ECE1: variants seen among roughly 807,000 people sequenced by gnomAD.
ECE1 encodes the protein endothelin-converting enzyme 1.
In ECE1, 35 loss-of-function variants were observed where a neutral mutation model predicts 98.6. The ratio of observed to expected loss-of-function variants is 0.35; its 90% CI spans 0.27 to 0.47. The LOEUF is 0.47. ECE1 is among the 20% of genes least tolerant of loss of function. ECE1 has a pLI of 1.00. For missense variants in ECE1, 814 were observed against 1,025.3 expected (o/e 0.79, Z 2.81); for synonymous variants, 394 against 407.1 (o/e 0.97, Z 0.39).
At chr1:21,291,612 G>A (rs2098266696), upstream of ECE1, among the ~76,000 whole-genome samples, 1 of 152,142 alleles carries the variant, frequency 6.6e-6, no homozygotes, top group Non-Finnish European at 1.5e-5. Flanking sequence ...GATCACTTGA[G>A]GTCAGGAGTT....
chr1:21,291,642 A>G (rs989198310), upstream of ECE1, among the ~76,000 whole-genome samples: 5 of 152,200 alleles, frequency 3.3e-5, no homozygotes, highest in Non-Finnish European at 7.3e-5. Flanking sequence ...CCTGGCCAAC[A>G]TGATGAAACC....
intron 4 of ECE1, among the ~76,000 whole-genome samples, chr1:21,262,591 C>T (rs957253631): frequency 6.6e-6 from 1 of 152,224 alleles, no homozygotes; most frequent in African/African-American, 2.4e-5. Flanking sequence ...CATGAGTGAG[C>T]CTGGCATCTC....
At chr1:21,275,813 C>T (rs2098245840) in intron 3 of ECE1, among the ~76,000 whole-genome samples, 2 of 152,076 alleles carry the variant, frequency 1.3e-5, no homozygotes, top group African/African-American at 4.8e-5. Context: ...ATCTAAGGCC[C>T]CCTCTTCCTA....
chr1:21,301,051 T>C (rs1638472110), intron 1 of ECE1, among the ~76,000 whole-genome samples: 1 of 138,118 alleles, frequency 7.2e-6, no homozygotes, highest in South Asian at 2.1e-4. Context: ...TGACCCAGTG[T>C]AGACAAAGCT....
Position 21,219,644 on chromosome 1 carries a change from CAG to C in ECE1, c.*309_*310del. ...AAATATATCTTGAAAGCATTTGACA[CAG>C]TGGTATTTGTGGCGTATCTGGCGCT... On this transcript the variant is annotated 3_prime_UTR_variant, in exon 19 of 19. Coordinates refer to ENST00000374893, the MANE Select transcript of ECE1 (RefSeq NM_001397.3). The surrounding 1 kb of genome is among the most constrained non-coding windows in gnomAD (Gnocchi z 4.5). 4.6e-6 allele frequency: 2 copies of C among 437,828 alleles called. No homozygotes were observed. The highest frequency in any genetic ancestry group is 6.8e-5 in the Admixed American group (2 of 29,244). 27.1% of individuals were successfully genotyped at this position (437,828 alleles called of 1,614,324 possible). A position where few individuals can be genotyped will look rare whatever the true frequency, so the allele number is the denominator to read the frequency against.
intron 4 of ECE1, among the ~76,000 whole-genome samples, chr1:21,261,239 C>T (rs1293713363): frequency 2.0e-5 from 3 of 152,220 alleles, no homozygotes; most frequent in African/African-American, 4.8e-5. Context: ...CTCTGGGAAA[C>T]TCACTGCTCC....
intron 10 of ECE1, among the ~76,000 whole-genome samples, chr1:21,242,094 A>G (rs1441243842): frequency 2.6e-5 from 4 of 152,212 alleles, no homozygotes; most frequent in Non-Finnish European, 5.9e-5. Flanking sequence ...GCAGCGCTTG[A>G]GCAGTCAGAA....
At chr1:21,255,458 G>C (rs2103282037) in intron 8 of ECE1, among the ~76,000 whole-genome samples, 1 of 152,354 alleles carries the variant, frequency 6.6e-6, no homozygotes, top group East Asian at 1.9e-4. Flanking sequence ...GAGCATCACA[G>C]ATCTAACGCC....
chr1:21,270,082 C>T (rs945161363), intron 4 of ECE1, among the ~76,000 whole-genome samples: 6 of 152,198 alleles, frequency 3.9e-5, no homozygotes, highest in African/African-American at 1.2e-4. Context: ...CCATTCTGGG[C>T]CTCACTGGGA....
intron 10 of ECE1, among the ~76,000 whole-genome samples, chr1:21,239,847 G>A (rs954524631): frequency 6.6e-6 from 1 of 151,152 alleles, no homozygotes; most frequent in African/African-American, 2.4e-5. Context: ...TCTTGACTGT[G>A]GTGATGGTTA....
intron 1 of ECE1, among the ~76,000 whole-genome samples, chr1:21,320,937 A>G (rs1364543906): frequency 6.6e-6 from 1 of 152,214 alleles, no homozygotes. Context: ...CTGAGCCTCT[A>G]GGATCCTGCT....
intron 1 of ECE1, among the ~76,000 whole-genome samples, chr1:21,301,922 G>A (rs1020265262): frequency 6.6e-6 from 1 of 151,726 alleles, no homozygotes; most frequent in Non-Finnish European, 1.5e-5. Context: ...CTGTGTGGTA[G>A]GTAGCACTGT....
rs1190266469 is a variant in ECE1, at chr1:21,320,640, C to T, written c.3+24736G>A. 2.5e-4 allele frequency among the ~76,000 whole-genome samples: 38 copies of T among 152,236 alleles called. 1 individual carries two copies. Among genetic ancestry groups the T allele is most frequent in the Admixed American group, 2.5e-3 (38 of 15,288 alleles). On this transcript the variant is annotated intron_variant, in intron 1 of 18. Coordinates refer to the ECE1 transcript ENST00000415912. ...ACTGAGGCTCAGAGAGGTTGAGTCACTCACAGGGGGTCACACAGCTCCCTG... is the reference window on the plus strand; with the variant it reads ...ACTGAGGCTCAGAGAGGTTGAGTCATTCACAGGGGGTCACACAGCTCCCTG...
chr1:21,240,069 G>A (rs916420745), intron 10 of ECE1, among the ~76,000 whole-genome samples: 1 of 152,214 alleles, frequency 6.6e-6, no homozygotes, highest in Non-Finnish European at 1.5e-5. Flanking sequence ...TACTCAGAAG[G>A]CTGAGGCAGG....
intron 1 of ECE1, among the ~76,000 whole-genome samples, chr1:21,318,043 G>A (rs1033795735): frequency 6.6e-5 from 10 of 152,218 alleles, no homozygotes; most frequent in South Asian, 4.1e-4. Flanking sequence ...GGTATCAGAC[G>A]GCATGGACGA....
intron 17 of ECE1, among the ~76,000 whole-genome samples, chr1:21,222,963 G>A (rs1382565555): frequency 6.6e-6 from 1 of 151,534 alleles, no homozygotes; most frequent in East Asian, 1.9e-4. Context: ...GGCTGTAGGT[G>A]TGCTGACTCG....
chr1:21,231,999 T>C (rs1340176028), intron 14 of ECE1, among the ~76,000 whole-genome samples: 2 of 152,214 alleles, frequency 1.3e-5, no homozygotes, highest in Non-Finnish European at 2.9e-5. Flanking sequence ...AATAAAAACA[T>C]TCAAGCTAAG....
rs552907027 is a variant in ECE1, at chr1:21,299,049, C to A, written c.4-8893G>T. The A allele has an allele frequency of 8.4e-6, 3 of 359,082 alleles. No homozygotes were observed. The Admixed American group carries it at 1.1e-4, about 13-fold the overall frequency. The allele number at this position is 359,082 out of a possible 1,614,324, so 22.2% of individuals were successfully genotyped here. On this transcript the variant is annotated intron_variant, in intron 1 of 18. Transcript: ENST00000415912. ...GAAGTCCCAATCTGAAGAGACCAAG[C>A]GCTCTCTGACAATGTGCTGATCTAA...
rs536844420 is a variant in ECE1 at position 21,248,707 on chromosome 1, C to T, written c.1021-1344G>A. 5.9e-5 allele frequency among the ~76,000 whole-genome samples: 9 copies of T among 152,116 alleles called. No homozygotes were observed. In the South Asian group the frequency reaches 1.9e-3, roughly 32 times the overall value. Reference sequence around the variant, plus strand: ...TGGCGTGATCTCAGCTCACTGCAACCTCCGCCTCCCAGGTTCAAGCGATTC... The same window carrying T: ...TGGCGTGATCTCAGCTCACTGCAACTTCCGCCTCCCAGGTTCAAGCGATTC... On this transcript the variant is annotated intron_variant, in intron 8 of 18. Transcript: ENST00000374893.
Sources: allele counts gnomAD v4.1 joint callset (sites outside exome capture counted in the v4.1 genomes callset), GRCh38; gene constraint gnomAD v4.1.1; non-coding constraint Gnocchi (gnomAD v3.1); transcripts MANE v1.5; gene names NCBI Gene and HGNC (gene_info 2026-07-23, HGNC 2026-07-21).